Variants in LRRCC1 observed in about 807,000 individuals in gnomAD.
LRRCC1 encodes leucine rich repeat and coiled-coil centrosomal protein 1.
Under a neutral mutation model 126.0 loss-of-function variants are expected in LRRCC1, and 115 were observed. The observed-to-expected ratio is 0.91, with a 90% confidence interval of 0.78 to 1.07. The LOEUF is 1.07. LRRCC1 is among the 50% of genes least tolerant of loss of function. The probability of loss-of-function intolerance (pLI) is 0.00; values close to 1 mark genes in which losing one functional copy is unlikely to be tolerated. For synonymous variants in LRRCC1, 400 were observed against 393.4 expected (o/e 1.02, Z -0.20); for missense variants, 1,172 against 1,175.7 (o/e 1.00, Z 0.05).
chr8:85,130,006 G>T lies in LRRCC1; in HGVS notation c.1714G>T (p.Glu572Ter). The change falls in exon 11 of 19, where the codon GAA (glutamate) becomes TAA (stop). Residue 572 changes from glutamate to a stop codon, truncating the protein, a stop_gained. Transcript: ENST00000360375. LOFTEE classifies it high-confidence loss of function. ...TAGAACTTCCCTTCATCGAGAAAGA[G>T]AACAAGCGCAACAACTTCATCAACT... ...LLRTSLHREREQAQQLHQLLA... is the reference protein window; with the variant it reads ...LLRTSLHRER The T allele has an allele frequency of 6.2e-7, 1 of 1,600,312 alleles. No individual in the cohort carries two copies. The highest frequency in any genetic ancestry group is 8.5e-7 in the Non-Finnish European group (1 of 1,175,250).
chr8:85,109,427 T>A (rs1034886613), intron 1 of LRRCC1, 168 bp from the exon 2 acceptor site: 77 of 577,630 alleles, frequency 1.3e-4, no homozygotes, highest in Middle Eastern at 4.5e-4. Flanking sequence ...GGTTGTGTTG[T>A]AAGAAGCACC....
chr8:85,137,545 C>T lies in LRRCC1; in HGVS notation c.2411C>T (p.Thr804Ile). The T allele has an allele frequency of 6.4e-7, 1 of 1,561,648 alleles. No individual in the cohort carries two copies. The highest frequency in any genetic ancestry group is 8.6e-7 in the Non-Finnish European group (1 of 1,158,754). ...AGAGAGAATGAATGTCTGCGAAAGACAAATGAAAGTGATAGTGATGCATTA... is the reference window on the plus strand; with the variant it reads ...AGAGAGAATGAATGTCTGCGAAAGATAAATGAAAGTGATAGTGATGCATTA... ...LSRENECLRK[T>I]NESDSDALRI... The change falls in exon 15 of 19, where the codon ACA (threonine) becomes ATA (isoleucine). Residue 804 changes from threonine (T) to isoleucine (I), a missense_variant. Physicochemically the swap from Thr to Ile is moderately conservative, Grantham distance 89. Coordinates refer to ENST00000360375, the MANE Select transcript of LRRCC1 (RefSeq NM_033402.5).
intron 18 of LRRCC1, among the ~76,000 whole-genome samples, chr8:85,143,086 AGGCTGAGGC>A (rs1811374512): frequency 6.6e-6 from 1 of 152,114 alleles, no homozygotes; most frequent in Admixed American, 6.5e-5. Context: ...GCACTTTGGG[AGGCTGAGGC>A]GGCTGGATCA....
At chr8:85,114,272 T>C (rs750997623) in intron 4 of LRRCC1, among the ~76,000 whole-genome samples, 25 of 151,942 alleles carry the variant, frequency 1.6e-4, no homozygotes, top group Non-Finnish European at 3.5e-4. Context: ...CTCTGGTTTC[T>C]ACAATTTGAA....
chr8:85,126,418 C>T (rs1810002886), intron 8 of LRRCC1, among the ~76,000 whole-genome samples: 2 of 152,054 alleles, frequency 1.3e-5, no homozygotes, highest in Admixed American at 6.5e-5. Flanking sequence ...AACAGCCAAG[C>T]TTGGTGGCAC....
intron 14 of LRRCC1, 85 bp downstream of exon 14, chr8:85,136,048 C>T (rs745750061): frequency 1.5e-4 from 179 of 1,176,042 alleles, no homozygotes; most frequent in Non-Finnish European, 1.8e-4. Context: ...AGACTCAACT[C>T]TGCCTAAAGA....
chr8:85,142,872 A>G (rs1414893572), intron 18 of LRRCC1, among the ~76,000 whole-genome samples: 1 of 151,326 alleles, frequency 6.6e-6, no homozygotes, highest in Non-Finnish European at 1.5e-5. Context: ...AATTATAATC[A>G]AGGTTGTGTG....
At chr8:85,131,044 T>C (rs1355853174) in intron 11 of LRRCC1, among the ~76,000 whole-genome samples, 1 of 152,246 alleles carries the variant, frequency 6.6e-6, no homozygotes, top group Non-Finnish European at 1.5e-5. Context: ...GATTATCATA[T>C]GTTAATTGTA....
In LRRCC1 at chr8:85,141,513, T is replaced by C; in HGVS notation, c.2972T>C (p.Leu991Ser). The C allele has an allele frequency of 1.2e-6, 2 of 1,602,970 alleles. No individual in the cohort carries two copies. Among genetic ancestry groups the C allele is most frequent in the Non-Finnish European group, 1.7e-6 (2 of 1,173,076 alleles). Residue 991 changes from leucine to serine, a missense_variant, in exon 18 of 19, where the codon TTA (leucine) becomes TCA (serine). Coordinates refer to ENST00000360375, the MANE Select transcript of LRRCC1 (RefSeq NM_033402.5). ...CAGAAGTGTATTGATTCTGCAAATT[T>C]AAAGGTATTGTAAGTAAAATTCACT... ...EKQKCIDSAN[L>S]KVHQIEKEMR...
At chr8:85,143,649 AC>A (rs1811423777) in intron 18 of LRRCC1, among the ~76,000 whole-genome samples, 2 of 152,132 alleles carry the variant, frequency 1.3e-5, no homozygotes, top group African/African-American at 4.8e-5. Context: ...AATTTTAAAA[AC>A]CTACCAAGTG....
At chr8:85,112,791 A>T in intron 3 of LRRCC1, 141 bp from the exon 4 acceptor site, 1 of 453,306 alleles carries the variant, frequency 2.2e-6, no homozygotes. Flanking sequence ...CTGATAGCCT[A>T]TTCATTAGAT....
At chr8:85,119,022 A>C (rs1306653457) in intron 6 of LRRCC1, among the ~76,000 whole-genome samples, 1 of 151,744 alleles carries the variant, frequency 6.6e-6, no homozygotes, top group African/African-American at 2.4e-5. Flanking sequence ...TATATGGTTC[A>C]CTCTTTTCCA....
chr8:85,140,046 T>G (rs986945093), intron 17 of LRRCC1, among the ~76,000 whole-genome samples: 1 of 152,118 alleles, frequency 6.6e-6, no homozygotes, highest in Non-Finnish European at 1.5e-5. Context: ...CAATTAGGAG[T>G]CTTTGAGATT....
At chr8:85,118,846 G>A (rs2135938237) in intron 6 of LRRCC1, among the ~76,000 whole-genome samples, 1 of 151,940 alleles carries the variant, frequency 6.6e-6, no homozygotes, top group Non-Finnish European at 1.5e-5. Context: ...CTTTTGATAA[G>A]CAATAGTGTT....
intron 8 of LRRCC1, among the ~76,000 whole-genome samples, chr8:85,126,002 A>G (rs987607790): frequency 1.3e-5 from 2 of 152,012 alleles, no homozygotes; most frequent in South Asian, 4.2e-4. Context: ...CTCATGAAAA[A>G]TCAATCTTTT....
chr8:85,141,015 A>G (rs1255855302), intron 17 of LRRCC1, among the ~76,000 whole-genome samples: 2 of 152,132 alleles, frequency 1.3e-5, no homozygotes, highest in African/African-American at 4.8e-5. Context: ...GCCTTGAGCC[A>G]TGATCATGCC....
Position 85,124,909 on chromosome 8 carries a change from C to A in LRRCC1, c.1242C>A (p.Asp414Glu), listed in dbSNP as rs768095250. 4 of 1,604,916 alleles carry A rather than the reference C, an allele frequency of 2.5e-6. No individual in the cohort carries two copies. In the African/African-American group the frequency reaches 4.0e-5, roughly 16 times the overall value. Reference protein sequence around the residue: ...EKPKTEIIKVDQSHSEDNTYQ... With the variant: ...EKPKTEIIKVEQSHSEDNTYQ... ...CAAAGACTGAAATAATTAAAGTAGA[C>A]CAAAGTCACTCAGAAGACAACACTT... The change falls in exon 8 of 19, where the codon GAC becomes GAA. Residue 414 changes from aspartate to glutamate, a missense_variant. By Grantham distance (45) the Asp-to-Glu change is conservative. Transcript: ENST00000360375.
At chr8:85,143,675 A>T (rs1399534606) in intron 18 of LRRCC1, among the ~76,000 whole-genome samples, 1 of 152,222 alleles carries the variant, frequency 6.6e-6, no homozygotes, top group African/African-American at 2.4e-5. Context: ...ACAAGGGTAC[A>T]TCAGGTAATA....
At chr8:85,131,220 C>T (rs1409366390) in intron 11 of LRRCC1, among the ~76,000 whole-genome samples, 1 of 152,074 alleles carries the variant, frequency 6.6e-6, no homozygotes, top group Non-Finnish European at 1.5e-5. Flanking sequence ...TACTTAGTTT[C>T]CTTTACTTAG....
Sources: allele counts gnomAD v4.1 joint callset (sites outside exome capture counted in the v4.1 genomes callset), GRCh38; gene constraint gnomAD v4.1.1; transcripts MANE v1.5; gene names NCBI Gene and HGNC (gene_info 2026-07-23, HGNC 2026-07-21).